TMEM117: variants seen among roughly 807,000 people sequenced by gnomAD.
The protein encoded by TMEM117 is transmembrane protein 117.
A neutral mutation model predicts 52.4 loss-of-function variants in TMEM117; 27 were observed. The ratio of observed to expected loss-of-function variants is 0.51; its 90% CI spans 0.38 to 0.71. The LOEUF is 0.71. TMEM117 is among the 30% of genes least tolerant of loss of function. The pLI is 0.00. For missense variants in TMEM117, 556 were observed against 630.5 expected (o/e 0.88, Z 1.26); for synonymous variants, 215 against 206.3 (o/e 1.04, Z -0.36).
intron 1 of TMEM117, 76 bp from the exon 2 acceptor site, chr12:43,844,548 T>C: frequency 7.6e-7 from 1 of 1,315,034 alleles, no homozygotes; most frequent in Admixed American, 2.3e-5. Context: ...GGAACTGTTA[T>C]AAACCTGAAC....
At chr12:44,039,906 A>G (rs923645475) in intron 3 of TMEM117, among the ~76,000 whole-genome samples, 1 of 152,182 alleles carries the variant, frequency 6.6e-6, no homozygotes, top group Non-Finnish European at 1.5e-5. Context: ...AGACCCTGGT[A>G]TATAGTAGGT....
At position 44,023,960 on chromosome 12, in the gene TMEM117, T is replaced by TA. The variant is rs140411826; in HGVS notation, c.410+79628dup. On this transcript the variant is annotated intron_variant, in intron 3 of 7. Coordinates refer to ENST00000266534, the MANE Select transcript of TMEM117 (RefSeq NM_032256.3). ...CACATGTTCCCTAAAACTTAAAGTA[T>TA]AAAAAAAAAATCCAGTAGGAAAACC... Among the ~76,000 whole-genome samples, 770 of 149,310 alleles carry TA rather than the reference T, an allele frequency of 5.2e-3. 8 individuals are homozygous for TA. Among genetic ancestry groups the TA allele is most frequent in the African/African-American group, 0.018 (718 of 40,834 alleles).
intron 2 of TMEM117, among the ~76,000 whole-genome samples, chr12:43,923,179 T>A (rs1360175434): frequency 6.6e-6 from 1 of 152,172 alleles, no homozygotes; most frequent in Non-Finnish European, 1.5e-5. Flanking sequence ...GGCCGTTCTT[T>A]ATCTGGAAGG....
At position 44,328,577 on chromosome 12, in the gene TMEM117, G is replaced by T. The variant is rs936413992; in HGVS notation, c.768+28838G>T. 2.6e-5 allele frequency among the ~76,000 whole-genome samples: 4 copies of T among 152,052 alleles called. No individual in the cohort carries two copies. In the East Asian group the frequency reaches 5.8e-4, roughly 22 times the overall value. On this transcript the variant is annotated intron_variant, in intron 6 of 7. Transcript: ENST00000266534. ...AGCAAATTCTAGCCAGACAAAGCACGTGTTACAATCACTGATATAACTTAT... is the reference window on the plus strand; with the variant it reads ...AGCAAATTCTAGCCAGACAAAGCACTTGTTACAATCACTGATATAACTTAT...
chr12:44,234,052 T>C (rs1341615174), intron 5 of TMEM117, among the ~76,000 whole-genome samples: 1 of 151,394 alleles, frequency 6.6e-6, no homozygotes, highest in Non-Finnish European at 1.5e-5. Flanking sequence ...ATATATGATA[T>C]TGGCCTCTAT....
At chr12:43,898,115 A>G (rs1204264755) in intron 2 of TMEM117, among the ~76,000 whole-genome samples, 1 of 151,584 alleles carries the variant, frequency 6.6e-6, no homozygotes, top group African/African-American at 2.4e-5. Flanking sequence ...TCTGCTCTTT[A>G]CTTATTGGCA....
intron 3 of TMEM117, among the ~76,000 whole-genome samples, chr12:44,127,267 T>C (rs1948340901): frequency 6.6e-6 from 1 of 152,362 alleles, no homozygotes; most frequent in Admixed American, 6.5e-5. Flanking sequence ...ATATGATTTC[T>C]ATGATAGTTT....
rs35302186 is a variant in TMEM117, at chr12:43,860,554, A to G, written c.277+15626A>G. Among the ~76,000 whole-genome samples the G allele has an allele frequency of 5.0e-3, 764 of 152,296 alleles. 3 individuals are homozygous for G. The highest frequency in any genetic ancestry group is 7.3e-3 in the Non-Finnish European group (497 of 68,030). On this transcript the variant is annotated intron_variant, in intron 2 of 7. Coordinates refer to ENST00000266534, the MANE Select transcript of TMEM117 (RefSeq NM_032256.3). Reference sequence around the variant, plus strand: ...TCCCTAATGAGATGATCTGAGGAAGATGAAGGAACAACCTATGTAGCTTTC... The same window carrying G: ...TCCCTAATGAGATGATCTGAGGAAGGTGAAGGAACAACCTATGTAGCTTTC...
chr12:43,971,522 C>T (rs1945586532), intron 3 of TMEM117, among the ~76,000 whole-genome samples: 1 of 152,206 alleles, frequency 6.6e-6, no homozygotes, highest in Non-Finnish European at 1.5e-5. Context: ...TAAACCCCTT[C>T]AGCCCCTACC....
chr12:44,053,954 A>G (rs1947013104), intron 3 of TMEM117, among the ~76,000 whole-genome samples: 1 of 152,168 alleles, frequency 6.6e-6, no homozygotes, highest in South Asian at 2.1e-4. Flanking sequence ...ACAACTTTTA[A>G]ATTTGGGTGT....
chr12:44,127,471 G>C (rs2138156763), intron 3 of TMEM117, among the ~76,000 whole-genome samples: 1 of 152,198 alleles, frequency 6.6e-6, no homozygotes. Flanking sequence ...GAGGTCAAGA[G>C]TTTGAGACCA....
intron 4 of TMEM117, among the ~76,000 whole-genome samples, chr12:44,167,229 T>A (rs764946962): frequency 1.6e-4 from 25 of 152,192 alleles, no homozygotes; most frequent in Non-Finnish European, 2.9e-4. Context: ...TGAGTTTAAA[T>A]GATTCTGAAT....
chr12:44,265,320 G>T (rs1050444482), intron 5 of TMEM117, among the ~76,000 whole-genome samples: 1 of 143,948 alleles, frequency 6.9e-6, no homozygotes, highest in Non-Finnish European at 1.5e-5. Flanking sequence ...ATGTAGTGGG[G>T]CTAAGGTAGG....
intron 2 of TMEM117, among the ~76,000 whole-genome samples, chr12:43,931,495 A>T (rs1252924172): frequency 6.6e-6 from 1 of 152,238 alleles, no homozygotes; most frequent in Non-Finnish European, 1.5e-5. Context: ...TACTGTTGAT[A>T]TAGTTAGTAA....
chr12:44,024,926 A>C (rs1261181647), intron 3 of TMEM117, among the ~76,000 whole-genome samples: 1 of 151,994 alleles, frequency 6.6e-6, no homozygotes, highest in Admixed American at 6.6e-5. Flanking sequence ...AGAGAGAGAG[A>C]GCGCCTTCAT....
chr12:43,849,955 T>TG (rs1404029617), intron 2 of TMEM117, among the ~76,000 whole-genome samples: 1 of 152,190 alleles, frequency 6.6e-6, no homozygotes, highest in African/African-American at 2.4e-5. Context: ...CTGCTCCTCT[T>TG]GTTCATTATG....
At chr12:43,953,694 A>G (rs1945261255) in intron 3 of TMEM117, among the ~76,000 whole-genome samples, 1 of 152,152 alleles carries the variant, frequency 6.6e-6, no homozygotes, top group Non-Finnish European at 1.5e-5. Context: ...CCCCACACAC[A>G]ATAATAGTAG....
At chr12:44,002,187 C>G (rs11829320) in intron 3 of TMEM117, among the ~76,000 whole-genome samples, 2 of 152,166 alleles carry the variant, frequency 1.3e-5, no homozygotes, top group African/African-American at 4.8e-5. Context: ...AACACCTGCA[C>G]GAGGCTTCAA....
At chr12:43,804,629 A>G in the TMEM117 span, 71 of 1,222,172 alleles carry the variant, frequency 5.8e-5, no homozygotes, top group Non-Finnish European at 7.9e-5. Flanking sequence ...ATACTTTCCT[A>G]TCTATATTGG....
Sources: allele counts gnomAD v4.1 joint callset (sites outside exome capture counted in the v4.1 genomes callset), GRCh38; gene constraint gnomAD v4.1.1; transcripts MANE v1.5; gene names NCBI Gene and HGNC (gene_info 2026-07-23, HGNC 2026-07-21).